Variants in TANC2 observed in about 807,000 individuals in gnomAD.
TANC2 encodes protein TANC2.
TANC2 carries 26 observed loss-of-function variants against 210.5 expected under a neutral mutation model. The ratio of observed to expected loss-of-function variants is 0.12; its 90% CI spans 0.09 to 0.17. The LOEUF (loss-of-function observed/expected upper bound fraction) is 0.17, where lower values mean the gene tolerates loss of function less well. Ranked by LOEUF, TANC2 falls within the 10% of genes least tolerant of loss-of-function variation. The probability of loss-of-function intolerance (pLI) is 1.00; values close to 1 mark genes in which losing one functional copy is unlikely to be tolerated. For missense variants in TANC2, 2,129 were observed against 2,608.9 expected (o/e 0.82, Z 4.01); for synonymous variants, 931 against 967.1 (o/e 0.96, Z 0.69).
chr17:63,200,906 G>C (rs201520197), exon 7 of TANC2: 1 of 1,613,754 alleles, frequency 6.2e-7, no homozygotes, highest in Non-Finnish European at 8.5e-7. Context: ...CAGCTATGGG[G>C]CTGTTACTAG....
chr17:63,044,060 C>T (rs2035288960), intron 2 of TANC2, among the ~76,000 whole-genome samples: 1 of 152,050 alleles, frequency 6.6e-6, no homozygotes, highest in South Asian at 2.1e-4. Flanking sequence ...TTAGTTCATT[C>T]TCTATTTTGC....
rs115152593 is a variant in TANC2, at chr17:63,086,771, T to C, written c.140-12404T>C. ...CAAGAGGTTTGTAAAACACACCCATTAGTGCTCTGTAGCTAGCTAGAGGTT... is the reference window on the plus strand; with the variant it reads ...CAAGAGGTTTGTAAAACACACCCATCAGTGCTCTGTAGCTAGCTAGAGGTT... On this transcript the variant is annotated intron_variant, in intron 3 of 27. Transcript: ENST00000689528. 1.3e-3 allele frequency among the ~76,000 whole-genome samples: 194 copies of C among 143,766 alleles called. 1 individual carries two copies. Among genetic ancestry groups the C allele is most frequent in the African/African-American group, 4.7e-3 (183 of 38,928 alleles). The allele number at this position is 143,766 out of a possible 152,430, so 94.3% of individuals were successfully genotyped here. A position where few individuals can be genotyped will look rare whatever the true frequency, so the allele number is the denominator to read the frequency against.
intron 16 of TANC2, 59 bp downstream of exon 16, chr17:63,388,816 A>G (rs1171011662): frequency 3.0e-6 from 4 of 1,331,540 alleles, no homozygotes; most frequent in Admixed American, 5.5e-5. Flanking sequence ...AAATAAAACT[A>G]GAAGGACATT....
chr17:63,012,980 T>C (rs2033939832), intron 2 of TANC2, among the ~76,000 whole-genome samples: 1 of 152,164 alleles, frequency 6.6e-6, no homozygotes, highest in Admixed American at 6.5e-5. Context: ...GAATTTACTT[T>C]AGTGAGGAGT....
intron 9 of TANC2, among the ~76,000 whole-genome samples, chr17:63,312,846 A>G (rs1380036185): frequency 6.6e-6 from 1 of 152,142 alleles, no homozygotes; most frequent in Non-Finnish European, 1.5e-5. Context: ...ACCCCACTTT[A>G]GTTAATGAAA....
At chr17:63,227,927 A>G (rs1279289183) in intron 7 of TANC2, among the ~76,000 whole-genome samples, 1 of 151,950 alleles carries the variant, frequency 6.6e-6, no homozygotes, top group African/African-American at 2.4e-5. Context: ...GCAGTGCTGC[A>G]ATCTCGGCTC....
chr17:63,310,042 A>C (rs151046673), intron 9 of TANC2, among the ~76,000 whole-genome samples: 1 of 152,318 alleles, frequency 6.6e-6, no homozygotes, highest in African/African-American at 2.4e-5. Flanking sequence ...TAATGTTTTT[A>C]TACTCTTGGA....
chr17:63,181,365 G>A (rs2040778085), intron 5 of TANC2, among the ~76,000 whole-genome samples: 1 of 152,186 alleles, frequency 6.6e-6, no homozygotes, highest in Admixed American at 6.5e-5. Context: ...ATGAACCTGA[G>A]TGGTATAGAC....
chr17:63,189,378 A>G (rs144412104), intron 5 of TANC2, among the ~76,000 whole-genome samples: 5 of 152,296 alleles, frequency 3.3e-5, no homozygotes, highest in African/African-American at 7.2e-5. Context: ...TTACATTGCT[A>G]CCATTATTGT....
At chr17:63,275,675 TA>T (rs1333585613) in intron 9 of TANC2, among the ~76,000 whole-genome samples, 1 of 152,142 alleles carries the variant, frequency 6.6e-6, no homozygotes. Flanking sequence ...TCCCTACAAG[TA>T]AGATTAAATT....
In TANC2 at chr17:63,111,203, T is replaced by C. The variant is rs191423135; in HGVS notation, c.322+11846T>C. On this transcript the variant is annotated intron_variant, in intron 4 of 27. Coordinates refer to ENST00000689528, the Ensembl canonical transcript of TANC2. ...GGTGGCATGCACCTGTAATCCCAGCTACTCGGGAGGCTGAGGCTGGAGAAT... is the reference window on the plus strand; with the variant it reads ...GGTGGCATGCACCTGTAATCCCAGCCACTCGGGAGGCTGAGGCTGGAGAAT... Among the ~76,000 whole-genome samples the C allele has an allele frequency of 1.2e-3, 185 of 152,190 alleles. 1 individual carries two copies. The highest frequency in any genetic ancestry group is 4.3e-3 in the African/African-American group (179 of 41,544).
chr17:63,392,761 A>G (rs1340088880), intron 17 of TANC2, among the ~76,000 whole-genome samples: 1 of 152,228 alleles, frequency 6.6e-6, no homozygotes, highest in Non-Finnish European at 1.5e-5. Context: ...ATCATTACAC[A>G]TTGCATACAT....
intron 17 of TANC2, 58 bp downstream of exon 17, chr17:63,389,602 C>T: frequency 1.4e-6 from 2 of 1,449,430 alleles, no homozygotes; most frequent in South Asian, 2.5e-5. Context: ...TCGATGCATA[C>T]TCTTTCTTAT....
chr17:63,083,784 T>C (rs868696171), intron 3 of TANC2, among the ~76,000 whole-genome samples: 7 of 152,316 alleles, frequency 4.6e-5, no homozygotes, highest in South Asian at 2.1e-4. Flanking sequence ...TTCATGTGAT[T>C]GATTTTGTTA....
intron 9 of TANC2, among the ~76,000 whole-genome samples, chr17:63,279,619 C>T (rs1257832339): frequency 6.6e-6 from 1 of 151,944 alleles, no homozygotes; most frequent in Admixed American, 6.6e-5. Context: ...CTCCTGAAAC[C>T]CCATGCTTTT....
intron 19 of TANC2, among the ~76,000 whole-genome samples, chr17:63,403,298 T>C (rs923305884): frequency 6.6e-6 from 1 of 152,126 alleles, no homozygotes; most frequent in Non-Finnish European, 1.5e-5. Context: ...CATACAGAGG[T>C]TTGCTGCAAA....
chr17:63,015,749 A>C (rs1380561823), intron 2 of TANC2, among the ~76,000 whole-genome samples: 2 of 152,130 alleles, frequency 1.3e-5, no homozygotes, highest in Non-Finnish European at 2.9e-5. Context: ...TTCTTAAAAA[A>C]AAACCGCTGT....
chr17:63,112,864 G>A (rs1201986039), intron 4 of TANC2, among the ~76,000 whole-genome samples: 1 of 152,148 alleles, frequency 6.6e-6, no homozygotes, highest in Non-Finnish European at 1.5e-5. Context: ...AAAATACCAT[G>A]AAGATTACAG....
rs868345752 is a variant in TANC2 at position 63,410,452 on chromosome 17, C to T, written c.3590-1059C>T. ...TTTCTTGTCCTGGGCTCAGTGTCCT[C>T]TCGTGTTTATTTCCCCCACCTGGGG... On this transcript the variant is annotated intron_variant, in intron 21 of 27. Coordinates refer to ENST00000689528, the Ensembl canonical transcript of TANC2. 4.6e-5 allele frequency among the ~76,000 whole-genome samples: 7 copies of T among 151,338 alleles called. No individual in the cohort carries two copies. The Middle Eastern group carries it at 0.014, about 296-fold the overall frequency.
Sources: gnomAD v4.1 joint callset for allele counts (sites outside exome capture counted in the v4.1 genomes callset) on GRCh38, gnomAD v4.1.1 for gene constraint, MANE v1.5 for transcripts, NCBI Gene and HGNC (gene_info 2026-07-23, HGNC 2026-07-21) for gene names.